Variants in DLGAP1 observed in about 807,000 individuals in gnomAD.
The protein encoded by DLGAP1 is DLG associated protein 1.
Under a neutral mutation model 90.8 loss-of-function variants are expected in DLGAP1, and 11 were observed. That is an observed-to-expected ratio of 0.12 (90% CI 0.08 to 0.20). DLGAP1 has a LOEUF of 0.20. Among genes scored for constraint, DLGAP1 ranks in the 10% least tolerant of loss-of-function variants. DLGAP1 has a pLI of 1.00. For synonymous variants in DLGAP1, 558 were observed against 540.7 expected, an observed-to-expected ratio of 1.03 and a Z score of -0.44; for missense variants, 1,050 against 1,333.8, an observed-to-expected ratio of 0.79 and a Z score of 3.31.
intron 2 of DLGAP1, among the ~76,000 whole-genome samples, chr18:4,139,691 T>C (rs146480017): frequency 2.6e-5 from 4 of 152,126 alleles, no homozygotes; most frequent in Non-Finnish European, 4.4e-5. Flanking sequence ...GTCTGAATGA[T>C]CTGTCCAATG....
intron 1 of DLGAP1, among the ~76,000 whole-genome samples, chr18:4,193,682 C>T (rs2077442455): frequency 6.6e-6 from 1 of 152,122 alleles, no homozygotes; most frequent in South Asian, 2.1e-4. Flanking sequence ...AATATGACTT[C>T]TGTTAGTGTT....
chr18:3,654,813 G>A (rs1330082189), intron 7 of DLGAP1: 1 of 152,116 alleles, frequency 6.6e-6, no homozygotes, highest in African/African-American at 2.4e-5. Flanking sequence ...CTTTCTCCTC[G>A]AGGTGAGAAG....
chr18:4,178,182 A>G (rs1297765655), intron 1 of DLGAP1, among the ~76,000 whole-genome samples: 1 of 149,556 alleles, frequency 6.7e-6, no homozygotes, highest in African/African-American at 2.5e-5. Flanking sequence ...ACCTGTAGAA[A>G]TCCTACGGGT....
At chr18:3,593,523 C>T (rs938059218) in intron 7 of DLGAP1, among the ~76,000 whole-genome samples, 1 of 152,026 alleles carries the variant, frequency 6.6e-6, no homozygotes, top group African/African-American at 2.4e-5. Flanking sequence ...ACATCCTCCA[C>T]GGAAACCACA....
intron 1 of DLGAP1, among the ~76,000 whole-genome samples, chr18:4,356,679 T>C (rs1257925025): frequency 6.6e-6 from 1 of 152,206 alleles, no homozygotes; most frequent in Non-Finnish European, 1.5e-5. Flanking sequence ...AATAGTTTTC[T>C]ATGTTGCTAC....
chr18:3,528,887 GT>G (rs145962642), intron 10 of DLGAP1, among the ~76,000 whole-genome samples: 3,709 of 152,270 alleles, frequency 0.024, 87 homozygotes, highest in Middle Eastern at 0.068. Context: ...GCCTTCAAGT[GT>G]TTGTGGAATG....
At chr18:4,298,330 T>C (rs1598844048) in intron 1 of DLGAP1, among the ~76,000 whole-genome samples, 1 of 152,310 alleles carries the variant, frequency 6.6e-6, no homozygotes, top group Non-Finnish European at 1.5e-5. Context: ...TCAACTGTAA[T>C]CTGAGACCCT....
At chr18:3,596,628 C>T in intron 7 of DLGAP1, 1 of 297,196 alleles carries the variant, frequency 3.4e-6, no homozygotes, top group Non-Finnish European at 6.5e-6. Context: ...TCAGGCACTG[C>T]TGTCTGTCTG....
intron 7 of DLGAP1, among the ~76,000 whole-genome samples, chr18:3,710,911 T>G (rs953133784): frequency 6.6e-6 from 1 of 152,142 alleles, no homozygotes; most frequent in African/African-American, 2.4e-5. Flanking sequence ...GAGCTCTCCA[T>G]GTGTGGGTCA....
intron 2 of DLGAP1, among the ~76,000 whole-genome samples, chr18:4,141,124 G>A (rs1292593271): frequency 1.3e-5 from 2 of 151,718 alleles, no homozygotes; most frequent in Non-Finnish European, 2.9e-5. Flanking sequence ...ATAAACTTTC[G>A]ACCTTGATTT....
chr18:4,166,898 C>T (rs2076942546), intron 1 of DLGAP1, among the ~76,000 whole-genome samples: 2 of 152,142 alleles, frequency 1.3e-5, no homozygotes, highest in African/African-American at 4.8e-5. Context: ...AATGTTCTTG[C>T]TTGTTGGATA....
chr18:3,779,288 C>G (rs570521338), intron 5 of DLGAP1, among the ~76,000 whole-genome samples: 1 of 152,284 alleles, frequency 6.6e-6, no homozygotes, highest in South Asian at 2.1e-4. Flanking sequence ...GTTGCCCAGG[C>G]TGGTCTCGAA....
chr18:3,555,570 G>A (rs530366257), intron 9 of DLGAP1, among the ~76,000 whole-genome samples: 1 of 152,286 alleles, frequency 6.6e-6, no homozygotes, highest in Non-Finnish European at 1.5e-5. Flanking sequence ...CAGCACTTTG[G>A]GAGGCCGAGG....
chr18:4,373,087 C>A (rs1756957499), intron 1 of DLGAP1, among the ~76,000 whole-genome samples: 1 of 152,066 alleles, frequency 6.6e-6, no homozygotes, highest in South Asian at 2.1e-4. Flanking sequence ...AAAAGTTTGG[C>A]CTTTATTCTG....
intron 7 of DLGAP1, among the ~76,000 whole-genome samples, chr18:3,631,846 A>T (rs4513192): frequency 0.22 from 33,308 of 152,032 alleles, 4,713 homozygotes; most frequent in African/African-American, 0.4. Flanking sequence ...GCAAATGGCG[A>T]GATCATAGTT....
intron 3 of DLGAP1, among the ~76,000 whole-genome samples, chr18:3,990,628 T>TA: frequency 7.0e-6 from 1 of 143,248 alleles, no homozygotes; most frequent in South Asian, 2.2e-4. Flanking sequence ...AAACTTAAAA[T>TA]ATAATAATAA....
Position 4,439,146 on chromosome 18 carries a change from C to T in DLGAP1, c.-267+15860G>A, listed in dbSNP as rs566181341. Among the ~76,000 whole-genome samples the T allele has an allele frequency of 1.1e-4, 17 of 152,336 alleles. No homozygotes were observed. In the South Asian group the frequency reaches 3.3e-3, roughly 30 times the overall value. On this transcript the variant is annotated intron_variant, in intron 1 of 12. Coordinates refer to ENST00000315677, the MANE Select transcript of DLGAP1 (RefSeq NM_004746.4). Reference sequence around the variant, plus strand: ...CCCATCACAGCACCCCGTGGCCTCTCAGCATCCTGCTGCCCCCCTGGGTTT... The same window carrying T: ...CCCATCACAGCACCCCGTGGCCTCTTAGCATCCTGCTGCCCCCCTGGGTTT...
chr18:4,336,124 C>G (rs1314175551), intron 1 of DLGAP1, among the ~76,000 whole-genome samples: 1 of 152,206 alleles, frequency 6.6e-6, no homozygotes, highest in African/African-American at 2.4e-5. Context: ...CACGTGCCGA[C>G]AATGCCCTCC....
chr18:3,513,728 C>T (rs1236446381), intron 10 of DLGAP1, among the ~76,000 whole-genome samples: 4 of 152,128 alleles, frequency 2.6e-5, no homozygotes, highest in African/African-American at 9.7e-5. Flanking sequence ...AAGCAGAGAA[C>T]AACTATGTTG....
Sources: gnomAD v4.1 joint callset for allele counts (sites outside exome capture counted in the v4.1 genomes callset) on GRCh38, gnomAD v4.1.1 for gene constraint, MANE v1.5 for transcripts, NCBI Gene and HGNC (gene_info 2026-07-23, HGNC 2026-07-21) for gene names.